IPCEF1: variants seen among roughly 807,000 people sequenced by gnomAD.
IPCEF1 encodes interactor protein for cytohesin exchange factors 1.
A neutral mutation model predicts 50.9 loss-of-function variants in IPCEF1; 31 were observed. The observed-to-expected ratio is 0.61, with a 90% confidence interval of 0.46 to 0.82. The LOEUF (loss-of-function observed/expected upper bound fraction) is 0.82, where lower values mean the gene tolerates loss of function less well. Among genes scored for constraint, IPCEF1 ranks in the 40% least tolerant of loss-of-function variants. The pLI, the probability that IPCEF1 is intolerant of heterozygous loss-of-function variation, is 0.00. For missense variants in IPCEF1, 458 were observed against 514.0 expected (o/e 0.89, Z 1.05); for synonymous variants, 181 against 192.0 (o/e 0.94, Z 0.47).
chr6:154,289,341 T>C (rs1782452941), intron 2 of IPCEF1, among the ~76,000 whole-genome samples: 1 of 151,804 alleles, frequency 6.6e-6, no homozygotes, highest in Admixed American at 6.6e-5. Context: ...TTCTAGAGCA[T>C]TCAGTTTATA....
At position 154,156,945 on chromosome 6, in the gene IPCEF1, C is replaced by T. The variant is rs933517139; in HGVS notation, c.*2883G>A. ...TGCCACAGATTTGGATCTACGTGTG[C>T]TGAGAGATTCTCCACTTCCTTCCTG... On this transcript the variant is annotated 3_prime_UTR_variant, in exon 12 of 12. Transcript: ENST00000367220. The T allele has an allele frequency of 2.0e-5, 3 of 152,300 alleles. No homozygotes were observed. Among genetic ancestry groups the T allele is most frequent in the Non-Finnish European group, 4.4e-5 (3 of 68,152 alleles). 9.4% of individuals were successfully genotyped at this position (152,300 alleles called of 1,614,324 possible).
chr6:154,279,795 T>C (rs1208375811), intron 2 of IPCEF1, among the ~76,000 whole-genome samples: 2 of 152,018 alleles, frequency 1.3e-5, no homozygotes, highest in Non-Finnish European at 2.9e-5. Flanking sequence ...CCAGAATCTA[T>C]AAAGAACTCC....
At position 154,209,091 on chromosome 6, in the gene IPCEF1, G is replaced by A. The variant is rs190681260; in HGVS notation, c.537+3679C>T. Among the ~76,000 whole-genome samples, 433 of 152,092 alleles carry A rather than the reference G, an allele frequency of 2.8e-3. 11 individuals are homozygous for A. The highest frequency in any genetic ancestry group is 9.0e-4 in the Non-Finnish European group (61 of 67,976). On this transcript the variant is annotated intron_variant, in intron 9 of 11. Transcript: ENST00000367220. Reference sequence around the variant, plus strand: ...CCCATTAGAAGCAGAAGTCCAAACTGGTTTCATTGTTTATCTTGACTCTAT... The same window carrying A: ...CCCATTAGAAGCAGAAGTCCAAACTAGTTTCATTGTTTATCTTGACTCTAT...
At chr6:154,182,411 T>G (rs1708790020) in intron 10 of IPCEF1, among the ~76,000 whole-genome samples, 1 of 152,204 alleles carries the variant, frequency 6.6e-6, no homozygotes, top group Non-Finnish European at 1.5e-5. Context: ...AATCGTTTTC[T>G]GAAATAATCT....
At chr6:154,347,196 C>A (rs1436701937) in intron 1 of IPCEF1, among the ~76,000 whole-genome samples, 2 of 152,184 alleles carry the variant, frequency 1.3e-5, no homozygotes, top group African/African-American at 4.8e-5. Flanking sequence ...CAACCTTATC[C>A]AAAAATAAGA....
chr6:154,266,560 CTATATA>C lies in IPCEF1; in HGVS notation c.-17-602_-17-597del, dbSNP rs34187257. 3.3e-3 allele frequency among the ~76,000 whole-genome samples: 448 copies of C among 134,810 alleles called. 5 individuals are homozygous for C. The highest frequency in any genetic ancestry group is 7.4e-3 in the Middle Eastern group (2 of 270). 88.4% of individuals were successfully genotyped at this position (134,810 alleles called of 152,430 possible). A position where few individuals can be genotyped will look rare whatever the true frequency, so the allele number is the denominator to read the frequency against. On this transcript the variant is annotated intron_variant, in intron 2 of 11. Transcript: ENST00000367220. ...TATATGATTTACACACTTAATATTA[CTATATA>C]TATATATATATATATATATACACAC...
At chr6:154,223,036 A>T in intron 6 of IPCEF1, 134 bp downstream of exon 6, 1 of 730,588 alleles carries the variant, frequency 1.4e-6, no homozygotes, top group Non-Finnish European at 2.4e-6. Context: ...TAGGGTGCCA[A>T]CCCATAATGC....
At chr6:154,167,877 C>T in intron 11 of IPCEF1, 43 bp downstream of exon 11, 1 of 1,438,518 alleles carries the variant, frequency 7.0e-7, no homozygotes, top group Non-Finnish European at 9.6e-7. Context: ...CCGTTCCTTG[C>T]CCCACATCCA....
At chr6:154,304,786 T>C (rs569139788) in intron 1 of IPCEF1, among the ~76,000 whole-genome samples, 3 of 152,244 alleles carry the variant, frequency 2.0e-5, no homozygotes, top group South Asian at 4.2e-4. Flanking sequence ...AAAATCATCA[T>C]CTGCATTTCT....
intron 1 of IPCEF1, among the ~76,000 whole-genome samples, chr6:154,319,758 C>G (rs1032584331): frequency 2.6e-5 from 4 of 152,202 alleles, no homozygotes; most frequent in East Asian, 1.9e-4. Context: ...TTAGCAAGAT[C>G]GTGTTTGAAT....
At chr6:154,298,014 C>T (rs1782706385) in intron 1 of IPCEF1, among the ~76,000 whole-genome samples, 3 of 152,202 alleles carry the variant, frequency 2.0e-5, no homozygotes, top group Admixed American at 6.5e-5. Flanking sequence ...TCCACATGAA[C>T]ATTTTCAGTG....
At chr6:154,243,458 G>T (rs1304533408) in intron 5 of IPCEF1, among the ~76,000 whole-genome samples, 1 of 152,164 alleles carries the variant, frequency 6.6e-6, no homozygotes, top group African/African-American at 2.4e-5. Context: ...AACGTGTGGT[G>T]AAAGAAAAAG....
Position 154,207,053 on chromosome 6 carries a change from T to C in IPCEF1, c.537+5717A>G, listed in dbSNP as rs138229593. On this transcript the variant is annotated intron_variant, in intron 9 of 11. Transcript: ENST00000367220. ...AGGAAGACTAATTGGGAGGTGGTTT[T>C]TAGGAGGAGAGAGAGAGGGACTAGA... Among the ~76,000 whole-genome samples the C allele has an allele frequency of 4.7e-3, 717 of 152,230 alleles. 7 individuals are homozygous for C. The highest frequency in any genetic ancestry group is 0.017 in the African/African-American group (697 of 41,518).
rs940471881 is a variant in IPCEF1, at chr6:154,288,688, A to C, written c.-18+1025T>G. 7.1e-4 allele frequency among the ~76,000 whole-genome samples: 80 copies of C among 112,110 alleles called. 1 individual carries two copies. Among genetic ancestry groups the C allele is most frequent in the South Asian group, 2.5e-3 (10 of 3,984 alleles). The allele number at this position is 112,110 out of a possible 152,430, so 73.5% of individuals were successfully genotyped here. ...AAAACAAAAAAAACAAAAAAAAAAA[A>C]AAAAAAAAAAAAAAAAACTGTAAAA... On this transcript the variant is annotated intron_variant, in intron 2 of 11. Coordinates refer to ENST00000367220, the MANE Select transcript of IPCEF1 (RefSeq NM_001130700.2).
chr6:154,193,550 G>A (rs1328653816), intron 10 of IPCEF1, among the ~76,000 whole-genome samples: 1 of 152,164 alleles, frequency 6.6e-6, no homozygotes, highest in African/African-American at 2.4e-5. Flanking sequence ...GCATATACTT[G>A]TACTCTCCTG....
chr6:154,291,110 T>A (rs893432525), intron 1 of IPCEF1, among the ~76,000 whole-genome samples: 17 of 152,272 alleles, frequency 1.1e-4, no homozygotes, highest in African/African-American at 3.6e-4. Flanking sequence ...GTCAGGCTGG[T>A]CTTGAACTCC....
chr6:154,194,975 A>G (rs911097830), intron 10 of IPCEF1, among the ~76,000 whole-genome samples: 1 of 152,114 alleles, frequency 6.6e-6, no homozygotes, highest in African/African-American at 2.4e-5. Context: ...TACAAAGGCC[A>G]AGATCAGTCT....
chr6:154,323,358 A>G (rs1407396204), intron 1 of IPCEF1, among the ~76,000 whole-genome samples: 1 of 151,976 alleles, frequency 6.6e-6, no homozygotes, highest in African/African-American at 2.4e-5. Context: ...GCCTCCAGGA[A>G]TTCTGCAGCA....
intron 1 of IPCEF1, among the ~76,000 whole-genome samples, chr6:154,303,610 AACTATTGCCCT>A (rs72158257): frequency 0.12 from 18,638 of 152,120 alleles, 2,290 homozygotes; most frequent in African/African-American, 0.32. Context: ...CTTCTGTAAC[AACTATTGCCCT>A]ACTCTTAAAT....
Sources: gnomAD v4.1 joint callset for allele counts (sites outside exome capture counted in the v4.1 genomes callset) on GRCh38, gnomAD v4.1.1 for gene constraint, MANE v1.5 for transcripts, NCBI Gene and HGNC (gene_info 2026-07-23, HGNC 2026-07-21) for gene names.